KDM4C: variants seen among roughly 807,000 people sequenced by gnomAD.
KDM4C encodes lysine demethylase 4C, also known as lysine-specific demethylase 4C.
KDM4C carries 81 observed loss-of-function variants against 129.3 expected under a neutral mutation model. The ratio of observed to expected loss-of-function variants is 0.63; its 90% CI spans 0.52 to 0.75. The LOEUF is 0.75. Among genes scored for constraint, KDM4C ranks in the 30% least tolerant of loss-of-function variants. The pLI, the probability that KDM4C is intolerant of heterozygous loss-of-function variation, is 0.00. For synonymous variants in KDM4C, 573 were observed against 456.1 expected, an observed-to-expected ratio of 1.26 and a Z score of -3.26; for missense variants, 1,457 against 1,304.0, an observed-to-expected ratio of 1.12 and a Z score of -1.81.
At chr9:6,988,441 G>T (rs1818128082) in intron 11 of KDM4C, among the ~76,000 whole-genome samples, 1 of 152,050 alleles carries the variant, frequency 6.6e-6, no homozygotes, top group South Asian at 2.1e-4. Context: ...CATTGCTATT[G>T]AAGGCTGAGA....
intron 2 of KDM4C, among the ~76,000 whole-genome samples, chr9:6,804,353 A>T (rs569183222): frequency 4.7e-4 from 71 of 152,288 alleles, no homozygotes; most frequent in Non-Finnish European, 8.8e-4. Flanking sequence ...TATGCCATGG[A>T]CACAGGTAAA....
intron 19 of KDM4C, among the ~76,000 whole-genome samples, chr9:7,133,788 G>A (rs181526402): frequency 2.6e-5 from 4 of 152,304 alleles, no homozygotes; most frequent in Admixed American, 1.3e-4. Flanking sequence ...GGAGAGATCT[G>A]GGTATTCCAG....
chr9:6,902,354 C>T (rs1190409286), intron 8 of KDM4C, among the ~76,000 whole-genome samples: 1 of 152,096 alleles, frequency 6.6e-6, no homozygotes, highest in African/African-American at 2.4e-5. Flanking sequence ...GATAGGAATG[C>T]ACTGTATATA....
chr9:7,076,436 A>T (rs1198110241), intron 17 of KDM4C: 1 of 1,547,568 alleles, frequency 6.5e-7, no homozygotes, highest in Admixed American at 2.0e-5. Context: ...TTTTTCAGGG[A>T]AGGCTGGGAA....
chr9:6,744,059 C>G (rs542751589), intron 1 of KDM4C, among the ~76,000 whole-genome samples: 1 of 111,952 alleles, frequency 8.9e-6, no homozygotes, highest in Non-Finnish European at 1.6e-5. Context: ...CTCTCCAGTT[C>G]TATGTAAAAA....
chr9:6,901,400 C>G (rs1418228525), intron 8 of KDM4C, among the ~76,000 whole-genome samples: 3 of 152,142 alleles, frequency 2.0e-5, no homozygotes, highest in Non-Finnish European at 2.9e-5. Flanking sequence ...GATATGTGCT[C>G]CTAGGGTTGG....
At chr9:6,934,882 TTTC>T (rs1824467775) in intron 8 of KDM4C, among the ~76,000 whole-genome samples, 1 of 140,370 alleles carries the variant, frequency 7.1e-6, no homozygotes, top group African/African-American at 2.5e-5. Flanking sequence ...AAAAATAATA[TTTC>T]TTTTTTTTTT....
intron 1 of KDM4C, among the ~76,000 whole-genome samples, chr9:6,751,977 T>C (rs1303214898): frequency 6.6e-6 from 1 of 152,134 alleles, no homozygotes; most frequent in African/African-American, 2.4e-5. Context: ...ATTAGGTTCT[T>C]GTTTGTGATA....
chr9:6,772,012 G>A (rs1475427038), intron 1 of KDM4C, among the ~76,000 whole-genome samples: 2 of 152,210 alleles, frequency 1.3e-5, no homozygotes, highest in Non-Finnish European at 2.9e-5. Flanking sequence ...TAACACTCCT[G>A]TGAAATGCAA....
intron 7 of KDM4C, among the ~76,000 whole-genome samples, chr9:6,892,858 A>T (rs1209964774): frequency 1.3e-5 from 2 of 152,140 alleles, no homozygotes; most frequent in African/African-American, 4.8e-5. Flanking sequence ...TTGAGTATGG[A>T]TTGTTTGATT....
At chr9:6,925,330 G>C (rs902398146) in intron 8 of KDM4C, 3 of 985,292 alleles carry the variant, frequency 3.0e-6, no homozygotes, top group Non-Finnish European at 3.6e-6. Context: ...GCTTTCATCA[G>C]TTGGGCGTCT....
At chr9:6,722,219 G>C (rs1309727155) in intron 1 of KDM4C, among the ~76,000 whole-genome samples, 1 of 152,130 alleles carries the variant, frequency 6.6e-6, no homozygotes, top group African/African-American at 2.4e-5. Flanking sequence ...GCTGTGATAA[G>C]ACTCCCTGGG....
chr9:6,801,712 A>G (rs1366131498), intron 2 of KDM4C, among the ~76,000 whole-genome samples: 4 of 152,120 alleles, frequency 2.6e-5, no homozygotes, highest in African/African-American at 7.2e-5. Flanking sequence ...CCTTGGATAT[A>G]TAAAAGAATA....
Position 6,990,586 on chromosome 9 carries a change from G to A in KDM4C, c.1786+62G>A, listed in dbSNP as rs1309250902. 3.6e-6 allele frequency: 4 copies of A among 1,115,132 alleles called. No individual in the cohort carries two copies. The African/African-American group carries it at 6.7e-5, about 19-fold the overall frequency. 69.1% of individuals were successfully genotyped at this position (1,115,132 alleles called of 1,614,324 possible). On this transcript the variant is annotated intron_variant, in intron 12 of 21. Transcript: ENST00000381309. ...TTTTTGGTGTGTAAAACAAACTATT[G>A]TAAAAAAAATTGCTGAATAGAAAAA...
chr9:6,819,084 T>C (rs183546896), intron 4 of KDM4C: 1 of 152,354 alleles, frequency 6.6e-6, no homozygotes, highest in Admixed American at 6.5e-5. Flanking sequence ...TCTTAAGTTT[T>C]TTTTCTTTTA....
intron 12 of KDM4C, among the ~76,000 whole-genome samples, chr9:6,995,775 C>G (rs553097452): frequency 1.3e-5 from 2 of 152,126 alleles, no homozygotes; most frequent in African/African-American, 4.8e-5. Context: ...GGGTTCACAC[C>G]ATTCTCCTAC....
chr9:6,779,974 T>G (rs1366053370), intron 1 of KDM4C, among the ~76,000 whole-genome samples: 3 of 152,222 alleles, frequency 2.0e-5, no homozygotes, highest in Non-Finnish European at 4.4e-5. Flanking sequence ...ATTGAGCTAT[T>G]TAAGCAAACT....
chr9:6,981,996 AT>A (rs1816842877), intron 9 of KDM4C: 1 of 154,978 alleles, frequency 6.5e-6, no homozygotes, highest in African/African-American at 2.4e-5. Flanking sequence ...TATATATTTT[AT>A]AATATTATAT....
intron 8 of KDM4C, among the ~76,000 whole-genome samples, chr9:6,931,939 G>A (rs1823819646): frequency 6.6e-6 from 1 of 152,206 alleles, no homozygotes; most frequent in Non-Finnish European, 1.5e-5. Context: ...GATATCCTAA[G>A]CAATAATATG....
Sources: gnomAD v4.1 joint callset for allele counts (sites outside exome capture counted in the v4.1 genomes callset) on GRCh38, gnomAD v4.1.1 for gene constraint, MANE v1.5 for transcripts, NCBI Gene and HGNC (gene_info 2026-07-23, HGNC 2026-07-21) for gene names.